MSR1: variants seen among roughly 807,000 people sequenced by gnomAD.
MSR1 encodes the protein macrophage scavenger receptor types I and II.
In MSR1, 53 loss-of-function variants were observed where a neutral mutation model predicts 47.2. The observed-to-expected ratio is 1.12, with a 90% CI of 0.90 to 1.41. The LOEUF (loss-of-function observed/expected upper bound fraction) is 1.41, where lower values mean the gene tolerates loss of function less well. MSR1 is among the 40% of genes most tolerant of loss of function. MSR1 has a pLI of 0.00. For missense variants in MSR1, 786 were observed against 546.9 expected (o/e 1.44, Z -4.36); for synonymous variants, 239 against 185.6 (o/e 1.29, Z -2.34).
At chr8:16,126,293 G>A (rs1462746997) in intron 8 of MSR1, among the ~76,000 whole-genome samples, 2 of 152,022 alleles carry the variant, frequency 1.3e-5, no homozygotes, top group African/African-American at 4.8e-5. Flanking sequence ...ACTACTCAGT[G>A]GAAAGAAATA....
At position 16,157,947 on chromosome 8, in the gene MSR1, T is replaced by C. The variant is rs147575194; in HGVS notation, c.818-2803A>G. ...AAATGCAGTAACCTATTCTGTCATA[T>C]TATGGAAAAAAGAATAAAGACTTAG... On this transcript the variant is annotated intron_variant, in intron 5 of 9. Coordinates refer to ENST00000262101, the MANE Select transcript of MSR1 (RefSeq NM_138715.3). Among the ~76,000 whole-genome samples the C allele has an allele frequency of 5.8e-3, 876 of 152,112 alleles. 9 individuals are homozygous for C. The highest frequency in any genetic ancestry group is 0.016 in the African/African-American group (668 of 41,542).
chr8:16,139,047 T>C lies in MSR1; in HGVS notation c.1033+4511A>G, dbSNP rs115716324. ...ACCTTCTGCCCTCCGGCGTGCACTC[T>C]GTTTAGTAGCTTCTTTTATTTATAA... On this transcript the variant is annotated intron_variant, in intron 8 of 9. Coordinates refer to ENST00000262101, the MANE Select transcript of MSR1 (RefSeq NM_138715.3). 5.5e-3 allele frequency among the ~76,000 whole-genome samples: 841 copies of C among 152,294 alleles called. 5 individuals are homozygous for C. The highest frequency in any genetic ancestry group is 0.019 in the African/African-American group (804 of 41,566).
At position 16,120,557 on chromosome 8, in the gene MSR1, C is replaced by A. The variant is rs751502369; in HGVS notation, c.1083G>T (p.Gly361=). ...GGCCGCTGTGGAGTATCTCCACCCT[C>A]CCCTCGTGAGGGCCGCTCCCACCGA... ...RLVGGSGPHE[G]RVEILHSGQW... The change falls in exon 9 of 10, where the codon GGG becomes GGT. Residue 361 remains glycine, a synonymous_variant. Coordinates refer to ENST00000262101, the MANE Select transcript of MSR1 (RefSeq NM_138715.3). The A allele has an allele frequency of 7.4e-6, 12 of 1,611,404 alleles. No individual in the cohort carries two copies. The South Asian group carries it at 1.3e-4, about 18-fold the overall frequency.
At chr8:16,171,753 T>C (rs1165459341) in intron 3 of MSR1, among the ~76,000 whole-genome samples, 2 of 152,210 alleles carry the variant, frequency 1.3e-5, no homozygotes, top group Non-Finnish European at 2.9e-5. Flanking sequence ...TGATTATTAT[T>C]TCTTTTGAAG....
intron 9 of MSR1, among the ~76,000 whole-genome samples, chr8:16,117,724 T>C (rs534303741): frequency 1.4e-4 from 21 of 152,216 alleles, no homozygotes; most frequent in African/African-American, 4.1e-4. Flanking sequence ...TGGAGTAGAC[T>C]GTACATAAGC....
chr8:16,175,181 C>T lies in MSR1; in HGVS notation c.217+6G>A, dbSNP rs755756905. On this transcript the variant is annotated splice_donor_region_variant and intron_variant, in intron 3 of 9. Transcript: ENST00000262101. ...TACTAAATTTCAAAACTCTGGGTTA[C>T]GTTACCTGCCACTATTCCAATGAGA... 25 of 1,610,936 alleles carry T rather than the reference C, an allele frequency of 1.6e-5. No homozygotes were observed. Among genetic ancestry groups the T allele is most frequent in the East Asian group, 1.3e-4 (6 of 44,832 alleles).
chr8:16,192,147 C>G (rs73665257), intron 1 of MSR1, among the ~76,000 whole-genome samples: 17,408 of 151,814 alleles, frequency 0.11, 1,172 homozygotes, highest in Admixed American at 0.21. Context: ...GATACCCAGC[C>G]AATATTTGCT....
intron 8 of MSR1, chr8:16,139,620 G>C: frequency 3.1e-6 from 3 of 973,050 alleles, no homozygotes; most frequent in Non-Finnish European, 3.7e-6. Context: ...TAGAACAAAA[G>C]AATATTGGTA....
rs144070565 is a variant in MSR1 at position 16,120,574 on chromosome 8, T to C, written c.1066A>G (p.Ser356Gly). 62 of 1,578,170 alleles carry C rather than the reference T, an allele frequency of 3.9e-5. No homozygotes were observed. Among genetic ancestry groups the C allele is most frequent in the Non-Finnish European group, 4.4e-5 (52 of 1,172,636 alleles). The change falls in exon 9 of 10, where the codon AGC becomes GGC. Residue 356 changes from serine to glycine, a missense_variant. Physicochemically the swap from Ser to Gly is moderately conservative, Grantham distance 56. Coordinates refer to ENST00000262101, the MANE Select transcript of MSR1 (RefSeq NM_138715.3). ...PFTKVRLVGG[S>G]GPHEGRVEIL... The stretch of plus-strand genomic sequence containing the variant: ...TCCACCCTCCCCTCGTGAGGGCCGC[T>C]CCCACCGACCAGTCGAACTTTCGTA...
intron 6 of MSR1, among the ~76,000 whole-genome samples, chr8:16,150,885 CAT>C (rs1491070026): frequency 5.4e-5 from 8 of 149,044 alleles, no homozygotes; most frequent in African/African-American, 2.0e-4. Context: ...CACACACACA[CAT>C]GCGATACACA....
At chr8:16,173,056 A>G (rs1016797316) in intron 3 of MSR1, among the ~76,000 whole-genome samples, 1 of 152,228 alleles carries the variant, frequency 6.6e-6, no homozygotes, top group Non-Finnish European at 1.5e-5. Context: ...AAACATAGTG[A>G]GGCCTTTTCC....
rs576726520 is a variant in MSR1 at position 16,168,854 on chromosome 8, C to G, written c.234G>C (p.Trp78Cys). Residue 78 changes from tryptophan to cysteine, a missense_variant, in exon 4 of 10, where the codon TGG (tryptophan) becomes TGC (cysteine). By Grantham distance (215) the Trp-to-Cys change is radical. Transcript: ENST00000262101. ...IGIVAAQLLKWETKNCSVSST... is the reference protein window; with the variant it reads ...IGIVAAQLLKCETKNCSVSST... Reference sequence around the variant, plus strand: ...AACTAACTGAGCAATTCTTCGTTTCCCACTTCAGGAGTTGAGCTGTATATT... The same window carrying G: ...AACTAACTGAGCAATTCTTCGTTTCGCACTTCAGGAGTTGAGCTGTATATT... 27 of 1,613,266 alleles carry G rather than the reference C, an allele frequency of 1.7e-5. No individual in the cohort carries two copies. The South Asian group carries it at 2.9e-4, about 17-fold the overall frequency.
At chr8:16,164,503 A>C (rs961744588) in intron 4 of MSR1, among the ~76,000 whole-genome samples, 1 of 151,966 alleles carries the variant, frequency 6.6e-6, no homozygotes, top group East Asian at 1.9e-4. Context: ...TATCTATGAT[A>C]TGTTTCTATT....
At chr8:16,143,971 A>G (rs1800629991) in intron 7 of MSR1, among the ~76,000 whole-genome samples, 1 of 152,018 alleles carries the variant, frequency 6.6e-6, no homozygotes, top group Non-Finnish European at 1.5e-5. Context: ...ATGAGCTCCC[A>G]CATCCCGTTC....
intron 8 of MSR1, 110 bp downstream of exon 8, chr8:16,143,448 G>T: frequency 1.1e-6 from 1 of 875,172 alleles, no homozygotes; most frequent in Non-Finnish European, 1.9e-6. Context: ...CATAGAGTCT[G>T]TATGGATCTG....
rs34230180 is a variant in MSR1, at chr8:16,143,546, C to T, written c.1033+12G>A. On this transcript the variant is annotated intron_variant, in intron 8 of 9. Coordinates refer to ENST00000262101, the MANE Select transcript of MSR1 (RefSeq NM_138715.3). ...AAGAATTCACACAGAAAACAAAATA[C>T]TATATACTTACTTAATGTGTTTCCA... 70 of 1,609,164 alleles carry T rather than the reference C, an allele frequency of 4.4e-5. No homozygotes were observed. Among genetic ancestry groups the T allele is most frequent in the Non-Finnish European group, 5.8e-5 (68 of 1,176,156 alleles).
chr8:16,140,129 T>C (rs933522982), intron 8 of MSR1: 2 of 984,560 alleles, frequency 2.0e-6, no homozygotes, highest in Non-Finnish European at 2.4e-6. Context: ...TCCCTATCTC[T>C]GGTTGAGAAT....
rs1432920842 is a variant in MSR1 at position 16,137,223 on chromosome 8, A to T, written c.1033+6335T>A. On this transcript the variant is annotated intron_variant, in intron 8 of 9. Coordinates refer to ENST00000262101, the MANE Select transcript of MSR1 (RefSeq NM_138715.3). ...GCTTTGTGAGCATTCTAGGAAGACTATGTTTCTGAGTAATATCCTTAGGAG... is the reference window on the plus strand; with the variant it reads ...GCTTTGTGAGCATTCTAGGAAGACTTTGTTTCTGAGTAATATCCTTAGGAG... Among the ~76,000 whole-genome samples the T allele has an allele frequency of 4.6e-5, 7 of 152,118 alleles. No individual in the cohort carries two copies. In the East Asian group the frequency reaches 9.6e-4, roughly 21 times the overall value.
intron 5 of MSR1, among the ~76,000 whole-genome samples, chr8:16,162,016 G>A (rs980186472): frequency 2.1e-4 from 32 of 151,950 alleles, no homozygotes; most frequent in Admixed American, 9.2e-4. Context: ...AGAAAGAATC[G>A]TGAAGAAGCA....
Sources: allele counts gnomAD v4.1 joint callset (sites outside exome capture counted in the v4.1 genomes callset), GRCh38; gene constraint gnomAD v4.1.1; transcripts MANE v1.5; gene names NCBI Gene and HGNC (gene_info 2026-07-23, HGNC 2026-07-21).